The following EDA variants were observed in gnomAD, a reference collection of about 807,000 sequenced individuals.
EDA encodes ectodysplasin A.
EDA carries 2 observed loss-of-function variants against 23.6 expected under a neutral mutation model. That is an observed-to-expected ratio of 0.08 (90% CI 0.03 to 0.27). The LOEUF is 0.27. EDA is among the 10% of genes least tolerant of loss of function. The pLI is 1.00. For synonymous variants in EDA, 131 were observed against 132.0 expected (o/e 0.99, Z 0.05); for missense variants, 229 against 324.2 (o/e 0.71, Z 2.26).
chrX:69,880,690 A>C (rs2017731553), intron 1 of EDA, among the ~76,000 whole-genome samples: 1 of 112,330 alleles, frequency 8.9e-6, no homozygotes, highest in Non-Finnish European at 1.9e-5. Context: ...TTGGGCAGAA[A>C]TAGCTATATT....
chrX:69,828,282 G>T (rs1271607795), intron 1 of EDA, among the ~76,000 whole-genome samples: 1 of 112,254 alleles, frequency 8.9e-6, no homozygotes, highest in Non-Finnish European at 1.9e-5. Context: ...GGCAATGGTG[G>T]GCGCCCCTCT....
chrX:69,933,072 C>T (rs1251519504), intron 1 of EDA, among the ~76,000 whole-genome samples: 1 of 110,989 alleles, frequency 9.0e-6, no homozygotes, highest in African/African-American at 3.3e-5. Context: ...CTCTCCCCTA[C>T]CTGCCAATTC....
At chrX:69,670,638 A>C (rs1157425577) in intron 1 of EDA, among the ~76,000 whole-genome samples, 4 of 108,258 alleles carry the variant, frequency 3.7e-5, no homozygotes, top group South Asian at 4.0e-4. Flanking sequence ...CAAAAAAAAA[A>C]CCACCATCTT....
chrX:69,856,280 TG>T (rs2147585902), intron 1 of EDA, among the ~76,000 whole-genome samples: 1 of 107,639 alleles, frequency 9.3e-6, no homozygotes, highest in East Asian at 2.9e-4. Flanking sequence ...TGTGTGTGTG[TG>T]TGTGTGTGTG....
At chrX:69,695,503 TC>T (rs2011303511) in intron 1 of EDA, among the ~76,000 whole-genome samples, 2 of 92,693 alleles carry the variant, frequency 2.2e-5, no homozygotes, top group African/African-American at 3.6e-5. Flanking sequence ...TTTCCTTCTT[TC>T]CTTCTTTCTT....
At chrX:69,631,854 G>T (rs1445562533) in intron 1 of EDA, among the ~76,000 whole-genome samples, 1 of 111,513 alleles carries the variant, frequency 9.0e-6, no homozygotes. Flanking sequence ...CTGAAATTGG[G>T]AATTAGCATT....
intron 1 of EDA, among the ~76,000 whole-genome samples, chrX:69,782,343 A>G (rs2014970241): frequency 1.0e-5 from 1 of 97,537 alleles, no homozygotes; most frequent in African/African-American, 3.7e-5. Context: ...AAGTGTGTGT[A>G]GACAAATAAC....
At chrX:69,836,231 T>G in intron 1 of EDA, among the ~76,000 whole-genome samples, 1 of 112,429 alleles carries the variant, frequency 8.9e-6, no homozygotes, top group Admixed American at 9.4e-5. Flanking sequence ...TTCTCAGAGC[T>G]CAAACGTCGT....
intron 1 of EDA, among the ~76,000 whole-genome samples, chrX:69,918,829 G>A (rs1430192371): frequency 1.8e-5 from 2 of 111,726 alleles, no homozygotes; most frequent in Non-Finnish European, 3.8e-5. Flanking sequence ...TTTGTGACTG[G>A]CTAACAGCAG....
chrX:69,779,319 C>G (rs922684404), intron 1 of EDA, among the ~76,000 whole-genome samples: 1 of 111,509 alleles, frequency 9.0e-6, no homozygotes, highest in Admixed American at 9.5e-5. Context: ...TTGTGATACA[C>G]CCATACAAAA....
intron 1 of EDA, among the ~76,000 whole-genome samples, chrX:69,760,059 C>T (rs1314868388): frequency 3.7e-5 from 4 of 108,410 alleles, no homozygotes; most frequent in African/African-American, 1.3e-4. Flanking sequence ...CTGCTTGTAA[C>T]AGACTCTTGC....
intron 1 of EDA, among the ~76,000 whole-genome samples, chrX:69,724,407 A>G (rs2012711805): frequency 9.0e-6 from 1 of 111,465 alleles, no homozygotes; most frequent in African/African-American, 3.3e-5. Flanking sequence ...TTTTTTAAGA[A>G]ACATATTCTG....
intron 1 of EDA, among the ~76,000 whole-genome samples, chrX:69,810,262 A>C: frequency 1.6e-4 from 1 of 6,398 alleles, no homozygotes; most frequent in Non-Finnish European, 2.1e-4. Context: ...CATCTCAAAA[A>C]AAAAAAAAAA....
chrX:69,941,792 A>G (rs2018761970), intron 1 of EDA, among the ~76,000 whole-genome samples: 1 of 111,368 alleles, frequency 9.0e-6, no homozygotes, highest in Non-Finnish European at 1.9e-5. Context: ...ATTATTGATA[A>G]GTAAAGATTT....
At position 69,937,842 on chromosome X, in the gene EDA, T is replaced by A. The variant is rs755077045; in HGVS notation, c.397-19185T>A. ...ACACCGCAATAGTTGGTATTGATAG[T>A]CAGCATTGCTCCTGAATCCTCCAGT... is the stretch of plus-strand genomic sequence containing the variant. On this transcript the variant is annotated intron_variant, in intron 1 of 7. Coordinates refer to ENST00000374552, the MANE Select transcript of EDA (RefSeq NM_001399.5). 44 of 1,193,171 alleles carry A rather than the reference T, an allele frequency of 3.7e-5. No individual in the cohort carries two copies. The Middle Eastern group carries it at 8.8e-4, about 24-fold the overall frequency.
intron 2 of EDA, among the ~76,000 whole-genome samples, chrX:69,973,020 A>C (rs2147441260): frequency 8.9e-6 from 1 of 112,161 alleles, no homozygotes; most frequent in African/African-American, 3.2e-5. Flanking sequence ...ATCTAAGCTA[A>C]TCTAAGCCCT....
At chrX:69,753,889 A>C (rs1399730303) in intron 1 of EDA, among the ~76,000 whole-genome samples, 1 of 59,937 alleles carries the variant, frequency 1.7e-5, no homozygotes, top group African/African-American at 6.7e-5. Context: ...AGAGACTAGG[A>C]TTGCAATCCC....
intron 1 of EDA, among the ~76,000 whole-genome samples, chrX:69,693,944 T>C (rs764269043): frequency 1.8e-5 from 2 of 112,258 alleles, no homozygotes; most frequent in African/African-American, 6.5e-5. Context: ...TCTGTAAATG[T>C]TCAAATGGAC....
At chrX:69,916,778 G>C (rs1359189493) in intron 1 of EDA, among the ~76,000 whole-genome samples, 1 of 110,119 alleles carries the variant, frequency 9.1e-6, no homozygotes, top group Non-Finnish European at 1.9e-5. Context: ...TATGGTGCCT[G>C]GTATAATAAT....
Sources: gnomAD v4.1 joint callset for allele counts (sites outside exome capture counted in the v4.1 genomes callset) on GRCh38, gnomAD v4.1.1 for gene constraint, MANE v1.5 for transcripts, NCBI Gene and HGNC (gene_info 2026-07-23, HGNC 2026-07-21) for gene names.